GRIP1: variants seen among roughly 807,000 people sequenced by gnomAD.
GRIP1 encodes glutamate receptor interacting protein 1.
In GRIP1, 45 loss-of-function variants were observed where a neutral mutation model predicts 129.9. The ratio of observed to expected loss-of-function variants is 0.35; its 90% CI spans 0.27 to 0.44. The LOEUF (loss-of-function observed/expected upper bound fraction) is 0.44, where lower values mean the gene tolerates loss of function less well. Among genes scored for constraint, GRIP1 ranks in the 20% least tolerant of loss-of-function variants. GRIP1 has a pLI of 1.00. For missense variants in GRIP1, 1,196 were observed against 1,396.8 expected, an observed-to-expected ratio of 0.86 and a Z score of 2.29; for synonymous variants, 530 against 520.8, an observed-to-expected ratio of 1.02 and a Z score of -0.24.
chr12:66,694,566 A>G (rs1205076234), intron 1 of GRIP1, among the ~76,000 whole-genome samples: 3 of 152,160 alleles, frequency 2.0e-5, no homozygotes, highest in Admixed American at 2.0e-4. Flanking sequence ...ACTTTCCTTA[A>G]CTATAAATGA....
At chr12:67,030,044 CAAAA>C (rs11330637) in intron 1 of GRIP1, among the ~76,000 whole-genome samples, 3 of 133,006 alleles carry the variant, frequency 2.3e-5, no homozygotes, top group South Asian at 2.4e-4. Context: ...ACTAAAAATA[CAAAA>C]AAAAAAAAAA....
intron 7 of GRIP1, among the ~76,000 whole-genome samples, chr12:66,509,489 A>T (rs758667685): frequency 5.3e-5 from 8 of 152,086 alleles, no homozygotes; most frequent in African/African-American, 1.7e-4. Flanking sequence ...ATTTTACTAC[A>T]GTCATTGCTT....
chr12:66,687,757 C>T (rs772507946), intron 1 of GRIP1, among the ~76,000 whole-genome samples: 1 of 152,180 alleles, frequency 6.6e-6, no homozygotes, highest in Non-Finnish European at 1.5e-5. Flanking sequence ...GACCCACTCT[C>T]GGTCCATGTG....
intron 1 of GRIP1, among the ~76,000 whole-genome samples, chr12:66,713,249 T>C (rs867848338): frequency 1.4e-4 from 21 of 152,124 alleles, no homozygotes; most frequent in Middle Eastern, 3.4e-3. Context: ...AGAAGGTACT[T>C]AAGAAATAGA....
chr12:66,844,463 A>T (rs1289762582), intron 1 of GRIP1, among the ~76,000 whole-genome samples: 1 of 152,168 alleles, frequency 6.6e-6, no homozygotes, highest in Non-Finnish European at 1.5e-5. Flanking sequence ...GAAAATAACA[A>T]GTGTTGCTGA....
chr12:66,521,800 C>T lies in GRIP1; in HGVS notation c.503-3824G>A, dbSNP rs560534301. ...CACCTGGAAAATCGGGTCACTCCCA[C>T]CCTAATACTGAGCTTTTCCAACGGG... On this transcript the variant is annotated intron_variant, in intron 5 of 24. Transcript: ENST00000359742. 1.6e-4 allele frequency among the ~76,000 whole-genome samples: 25 copies of T among 152,326 alleles called. No homozygotes were observed. In the South Asian group the frequency reaches 5.2e-3, roughly 32 times the overall value.
intron 1 of GRIP1, among the ~76,000 whole-genome samples, chr12:66,705,711 T>C (rs1046827338): frequency 6.6e-6 from 1 of 152,028 alleles, no homozygotes; most frequent in Non-Finnish European, 1.5e-5. Flanking sequence ...AACAGACATA[T>C]AGACCAATGG....
chr12:66,721,189 A>T (rs925870104), intron 1 of GRIP1, among the ~76,000 whole-genome samples: 1 of 152,184 alleles, frequency 6.6e-6, no homozygotes, highest in Non-Finnish European at 1.5e-5. Flanking sequence ...TTTTGAAAGG[A>T]ATCTTTTTTT....
At position 66,787,180 on chromosome 12, in the gene GRIP1, C is replaced by T. The variant is rs78436056; in HGVS notation, c.-420+16873G>A. On this transcript the variant is annotated intron_variant, in intron 1 of 4. Transcript: ENST00000538373. ...TCTGTAAGTCAACACAGTAATAAGG[C>T]TTTGTTTTCATTCTAAAGCTCCAGA... 2.0e-5 allele frequency among the ~76,000 whole-genome samples: 3 copies of T among 152,262 alleles called. No individual in the cohort carries two copies. In the East Asian group the frequency reaches 5.8e-4, roughly 29 times the overall value.
intron 4 of GRIP1, among the ~76,000 whole-genome samples, chr12:66,533,885 A>ACTCTCT (rs201892079): frequency 0.021 from 2,731 of 129,438 alleles, 34 homozygotes; most frequent in Middle Eastern, 0.071. Context: ...ACACATACAC[A>ACTCTCT]CACTCTCTCT....
intron 11 of GRIP1, among the ~76,000 whole-genome samples, chr12:66,449,557 A>G (rs1034441376): frequency 6.6e-6 from 1 of 152,342 alleles, no homozygotes; most frequent in South Asian, 2.1e-4. Context: ...TACGCTTCTT[A>G]CAGGTGGAAG....
intron 1 of GRIP1, among the ~76,000 whole-genome samples, chr12:66,668,320 C>T (rs1196864188): frequency 6.6e-6 from 1 of 152,172 alleles, no homozygotes; most frequent in Non-Finnish European, 1.5e-5. Flanking sequence ...AAACGAAATT[C>T]ATTTTTGATC....
intron 5 of GRIP1, among the ~76,000 whole-genome samples, chr12:66,526,037 C>T (rs534090946): frequency 6.6e-6 from 1 of 152,196 alleles, no homozygotes; most frequent in South Asian, 2.1e-4. Flanking sequence ...AAAGAGGATA[C>T]AAACAAATGG....
At chr12:67,007,071 C>T (rs900760308) in intron 1 of GRIP1, among the ~76,000 whole-genome samples, 27 of 152,010 alleles carry the variant, frequency 1.8e-4, no homozygotes, top group Non-Finnish European at 3.8e-4. Context: ...CCATCAAATC[C>T]CACTCTATTC....
chr12:66,537,519 C>CATAT (rs3047978), intron 4 of GRIP1, among the ~76,000 whole-genome samples: 39,568 of 149,132 alleles, frequency 0.27, 5,145 homozygotes, highest in South Asian at 0.32. Context: ...ATGGATATAT[C>CATAT]ATATATATAT....
At chr12:67,033,382 AC>A (rs143440437) in intron 1 of GRIP1, among the ~76,000 whole-genome samples, 1,555 of 151,864 alleles carry the variant, frequency 0.01, 26 homozygotes, top group African/African-American at 0.035. Flanking sequence ...GTCAGGTTTT[AC>A]TTTCTGTCCA....
chr12:66,779,826 G>C (rs953127002), intron 1 of GRIP1, among the ~76,000 whole-genome samples: 3 of 152,184 alleles, frequency 2.0e-5, no homozygotes, highest in African/African-American at 7.2e-5. Flanking sequence ...GAGAATGATG[G>C]GGAAGCTACT....
intron 1 of GRIP1, among the ~76,000 whole-genome samples, chr12:66,713,186 TCTCAAAGTAGAA>T (rs1264862433): frequency 6.6e-6 from 1 of 151,980 alleles, no homozygotes; most frequent in African/African-American, 2.4e-5. Flanking sequence ...CCTTCTACTT[TCTCAAAGTAGAA>T]GACTGGGGAG....
chr12:66,666,445 T>C (rs978897797), intron 1 of GRIP1, among the ~76,000 whole-genome samples: 2 of 152,206 alleles, frequency 1.3e-5, no homozygotes, highest in African/African-American at 4.8e-5. Context: ...TTGCCTTTCT[T>C]GTTCTTGTTG....
Sources: gnomAD v4.1 joint callset for allele counts (sites outside exome capture counted in the v4.1 genomes callset) on GRCh38, gnomAD v4.1.1 for gene constraint, MANE v1.5 for transcripts, NCBI Gene and HGNC (gene_info 2026-07-23, HGNC 2026-07-21) for gene names.